Variants in GTF2F2 observed in about 807,000 individuals in gnomAD.
GTF2F2 encodes general transcription factor IIF subunit 2.
GTF2F2 carries 23 observed loss-of-function variants against 42.2 expected under a neutral mutation model. That is an observed-to-expected ratio of 0.55 (90% CI 0.39 to 0.77). The LOEUF (loss-of-function observed/expected upper bound fraction) is 0.77. Ranked by LOEUF, GTF2F2 falls within the 30% of genes least tolerant of loss-of-function variation. The pLI, the probability that GTF2F2 is intolerant of heterozygous loss-of-function variation, is 0.00. For missense variants in GTF2F2, 261 were observed against 287.2 expected (o/e 0.91, Z 0.66); for synonymous variants, 105 against 100.8 (o/e 1.04, Z -0.25).
intron 5 of GTF2F2, among the ~76,000 whole-genome samples, chr13:45,248,412 T>G (rs545783907): frequency 2.6e-5 from 4 of 152,130 alleles, no homozygotes; most frequent in Non-Finnish European, 5.9e-5. Context: ...TTTTTGTGTT[T>G]TTTTGTTTTG....
At chr13:45,240,127 T>TTTTA (rs1206383058) in intron 5 of GTF2F2, among the ~76,000 whole-genome samples, 1 of 147,060 alleles carries the variant, frequency 6.8e-6, no homozygotes, top group Admixed American at 6.8e-5. Flanking sequence ...TTTTTTTTTT[T>TTTTA]AGTTCTTAGC....
intron 2 of GTF2F2, among the ~76,000 whole-genome samples, chr13:45,141,927 C>T (rs1245397514): frequency 5.9e-5 from 9 of 152,138 alleles, no homozygotes; most frequent in African/African-American, 2.2e-4. Context: ...TTGCTAACTT[C>T]AGAACATAGC....
intron 4 of GTF2F2, among the ~76,000 whole-genome samples, chr13:45,188,256 T>C (rs1872505740): frequency 1.3e-5 from 2 of 152,234 alleles, no homozygotes. Context: ...TATTTTGTTA[T>C]TGTAGATTTT....
intron 4 of GTF2F2, among the ~76,000 whole-genome samples, chr13:45,195,332 T>C (rs1872835837): frequency 6.6e-6 from 1 of 152,196 alleles, no homozygotes; most frequent in Admixed American, 6.5e-5. Flanking sequence ...ACTTAATTTT[T>C]TTGCTTAAGA....
intron 5 of GTF2F2, among the ~76,000 whole-genome samples, chr13:45,224,225 AG>A (rs1874237136): frequency 6.6e-6 from 1 of 152,252 alleles, no homozygotes; most frequent in Non-Finnish European, 1.5e-5. Context: ...GTAGTTCTTC[AG>A]TCCCCTCTTA....
chr13:45,208,376 G>A (rs1370492082), intron 5 of GTF2F2, among the ~76,000 whole-genome samples: 1 of 152,090 alleles, frequency 6.6e-6, no homozygotes, highest in Non-Finnish European at 1.5e-5. Context: ...AAGCCCTGAG[G>A]AAATATATTA....
chr13:45,169,406 A>G (rs1871482424), intron 4 of GTF2F2, among the ~76,000 whole-genome samples: 1 of 152,270 alleles, frequency 6.6e-6, no homozygotes, highest in Middle Eastern at 3.4e-3. Flanking sequence ...AGAAGAAGCC[A>G]AAGTTGTAGG....
chr13:45,197,466 G>A (rs894496700), intron 4 of GTF2F2, among the ~76,000 whole-genome samples: 2 of 144,340 alleles, frequency 1.4e-5, no homozygotes, highest in East Asian at 2.0e-4. Context: ...TGGAGATAGC[G>A]CCACTGCACT....
At chr13:45,136,949 G>T (rs1238267135) in intron 2 of GTF2F2, 143 bp downstream of exon 2, 1 of 612,716 alleles carries the variant, frequency 1.6e-6, no homozygotes, top group Non-Finnish European at 2.9e-6. Context: ...TCAGGAGATG[G>T]TTAGGTGCCC....
At chr13:45,272,102 T>C (rs1347929708) in intron 7 of GTF2F2, among the ~76,000 whole-genome samples, 1 of 149,386 alleles carries the variant, frequency 6.7e-6, no homozygotes, top group Non-Finnish European at 1.5e-5. Flanking sequence ...TAAATATAAA[T>C]TTTTTATATT....
chr13:45,242,099 A>G (rs1254974322), intron 5 of GTF2F2, among the ~76,000 whole-genome samples: 1 of 151,944 alleles, frequency 6.6e-6, no homozygotes, highest in African/African-American at 2.4e-5. Context: ...CTTACTCCCA[A>G]AATATTGAAA....
intron 5 of GTF2F2, among the ~76,000 whole-genome samples, chr13:45,250,883 ACT>A (rs1384450776): frequency 3.3e-5 from 5 of 152,232 alleles, no homozygotes; most frequent in African/African-American, 1.2e-4. Flanking sequence ...GTTCATAGAA[ACT>A]CTGTGTGGCA....
At chr13:45,262,852 C>T (rs1023950224) in intron 6 of GTF2F2, among the ~76,000 whole-genome samples, 13 of 152,078 alleles carry the variant, frequency 8.5e-5, no homozygotes, top group Non-Finnish European at 1.8e-4. Context: ...TCAAGTAATC[C>T]TCCTGCCTTA....
At chr13:45,193,752 C>G in intron 4 of GTF2F2, 1 of 1,538,064 alleles carries the variant, frequency 6.5e-7, no homozygotes, top group Non-Finnish European at 8.7e-7. Context: ...AGCTTGCTGG[C>G]TGCATGCTTG....
chr13:45,244,089 A>G lies in GTF2F2; in HGVS notation c.387-8782A>G, dbSNP rs112376618. 7.9e-5 allele frequency among the ~76,000 whole-genome samples: 12 copies of G among 152,308 alleles called. No individual in the cohort carries two copies. In the South Asian group the frequency reaches 1.2e-3, roughly 16 times the overall value. ...GATTATGAACCATGGTTATGTCGCA[A>G]TGACTTAGTGACACTGAGTTACTAG... On this transcript the variant is annotated intron_variant, in intron 5 of 7. Transcript: ENST00000340473.
At chr13:45,266,360 A>C (rs1197578317) in intron 6 of GTF2F2, among the ~76,000 whole-genome samples, 2 of 152,210 alleles carry the variant, frequency 1.3e-5, no homozygotes, top group Non-Finnish European at 2.9e-5. Flanking sequence ...TTGTTAAACT[A>C]ACTTTTATTG....
chr13:45,268,657 T>C (rs147472303), intron 7 of GTF2F2, among the ~76,000 whole-genome samples: 6 of 152,222 alleles, frequency 3.9e-5, no homozygotes, highest in African/African-American at 1.2e-4. Flanking sequence ...CTTCTGGTTT[T>C]AATGAAATTT....
chr13:45,181,424 C>T (rs1218022965), intron 4 of GTF2F2, among the ~76,000 whole-genome samples: 1 of 152,016 alleles, frequency 6.6e-6, no homozygotes, highest in Admixed American at 6.6e-5. Flanking sequence ...CAATAGAGAT[C>T]CTTTAAGGAA....
chr13:45,170,485 A>G (rs1871540370), intron 4 of GTF2F2, among the ~76,000 whole-genome samples: 1 of 152,238 alleles, frequency 6.6e-6, no homozygotes, highest in East Asian at 1.9e-4. Context: ...GATGCAGGTA[A>G]TTTATTTGAA....
Sources: gnomAD v4.1 joint callset for allele counts (sites outside exome capture counted in the v4.1 genomes callset) on GRCh38, gnomAD v4.1.1 for gene constraint, MANE v1.5 for transcripts, NCBI Gene and HGNC (gene_info 2026-07-23, HGNC 2026-07-21) for gene names.